Variants in ABTB3 observed in about 807,000 individuals in gnomAD.
ABTB3 encodes the protein ankyrin repeat and BTB domain containing 3.
chr12:107,610,320 C>T, the ABTB3 span: 1 of 1,613,974 alleles, frequency 6.2e-7, no homozygotes, highest in African/African-American at 1.3e-5. Context: ...AGTGTCTCTG[C>T]TGGGGCCCGA....
chr12:107,422,073 G>A, the ABTB3 span, among the ~76,000 whole-genome samples: 2 of 152,170 alleles, frequency 1.3e-5, no homozygotes, highest in African/African-American at 4.8e-5. Context: ...AAGGCTGGGA[G>A]GTAGATAGGT....
the ABTB3 span, among the ~76,000 whole-genome samples, chr12:107,647,247 T>A: frequency 1.3e-5 from 2 of 152,166 alleles, no homozygotes; most frequent in Admixed American, 1.3e-4. Flanking sequence ...GAAGGATTGC[T>A]TGAGCCTGGG....
the ABTB3 span, among the ~76,000 whole-genome samples, chr12:107,419,357 T>A: frequency 1.3e-5 from 2 of 152,240 alleles, no homozygotes; most frequent in African/African-American, 2.4e-5. Flanking sequence ...CTCCTTTTCA[T>A]GGCCTGAGAA....
chr12:107,566,649 A>ACACG, the ABTB3 span, among the ~76,000 whole-genome samples: 7 of 44,376 alleles, frequency 1.6e-4, no homozygotes, highest in Non-Finnish European at 2.6e-4. Context: ...TAATTTAAAT[A>ACACG]CACACACACA....
chr12:107,599,980 T>C, the ABTB3 span, among the ~76,000 whole-genome samples: 1 of 152,168 alleles, frequency 6.6e-6, no homozygotes, highest in Admixed American at 6.5e-5. Flanking sequence ...GGATGGAGTA[T>C]GGGCATTCAC....
At chr12:107,580,882 T>G in the ABTB3 span, 3 of 1,550,746 alleles carry the variant, frequency 1.9e-6, no homozygotes, top group South Asian at 3.6e-5. Context: ...TAGCCTTTCC[T>G]AGTCACATTA....
At chr12:107,504,920 A>G in the ABTB3 span, among the ~76,000 whole-genome samples, 4 of 152,170 alleles carry the variant, frequency 2.6e-5, no homozygotes, top group Admixed American at 6.5e-5. Context: ...CTCACTTGCT[A>G]TTAACACCTT....
chr12:107,571,720 A>G, the ABTB3 span, among the ~76,000 whole-genome samples: 3 of 152,152 alleles, frequency 2.0e-5, no homozygotes, highest in Non-Finnish European at 2.9e-5. Context: ...GGGCCCCATC[A>G]TCATCCAACC....
chr12:107,343,180 G>A, the ABTB3 span, among the ~76,000 whole-genome samples: 3 of 151,768 alleles, frequency 2.0e-5, no homozygotes, highest in East Asian at 1.9e-4. Flanking sequence ...ACACCTGGCT[G>A]TTTTTTTGGT....
the ABTB3 span, among the ~76,000 whole-genome samples, chr12:107,631,327 A>G: frequency 6.6e-6 from 1 of 152,188 alleles, no homozygotes; most frequent in East Asian, 1.9e-4. Context: ...TATATTTACC[A>G]TGTTTTCTTT....
At chr12:107,616,587 AG>A in the ABTB3 span, among the ~76,000 whole-genome samples, 1 of 152,206 alleles carries the variant, frequency 6.6e-6, no homozygotes, top group Non-Finnish European at 1.5e-5. Context: ...AACTGTCCTC[AG>A]GGCCATCCAG....
chr12:107,348,799 C>T, the ABTB3 span, among the ~76,000 whole-genome samples: 25 of 152,160 alleles, frequency 1.6e-4, no homozygotes, highest in African/African-American at 4.3e-4. Flanking sequence ...ATATGGAAGG[C>T]GATTTCAGGT....
At chr12:107,475,041 G>GT in the ABTB3 span, among the ~76,000 whole-genome samples, 1 of 152,144 alleles carries the variant, frequency 6.6e-6, no homozygotes, top group Non-Finnish European at 1.5e-5. Context: ...TGAGTCTGCC[G>GT]TTCACTCTCA....
chr12:107,640,878 CCTTT>C, the ABTB3 span, among the ~76,000 whole-genome samples: 1 of 152,210 alleles, frequency 6.6e-6, no homozygotes, highest in Non-Finnish European at 1.5e-5. Flanking sequence ...CTGCAACTGC[CCTTT>C]CTTCTCATTT....
At chr12:107,433,229 G>T in the ABTB3 span, among the ~76,000 whole-genome samples, 11 of 144,718 alleles carry the variant, frequency 7.6e-5, no homozygotes, top group Non-Finnish European at 1.5e-4. Context: ...AGCGGAGCTT[G>T]CAGTGAGCCG....
the ABTB3 span, chr12:107,635,465 G>T: frequency 2.1e-6 from 3 of 1,419,956 alleles, no homozygotes; most frequent in Non-Finnish European, 2.9e-6. Context: ...ATGCCATAAG[G>T]AATGCCAGGA....
chr12:107,470,002 TTCTTTCTTTC>T, the ABTB3 span, among the ~76,000 whole-genome samples: 155 of 56,786 alleles, frequency 2.7e-3, 18 homozygotes, highest in Middle Eastern at 9.4e-3. Context: ...CTTTCTTTCT[TTCTTTCTTTC>T]TCTCTCTCTC....
chr12:107,341,739 C>A, the ABTB3 span, among the ~76,000 whole-genome samples: 9 of 152,268 alleles, frequency 5.9e-5, no homozygotes, highest in African/African-American at 1.7e-4. Context: ...GAAATGTAAT[C>A]CCCAGTGTTG....
chr12:107,371,195 C>A, the ABTB3 span, among the ~76,000 whole-genome samples: 2 of 152,148 alleles, frequency 1.3e-5, no homozygotes, highest in Non-Finnish European at 1.5e-5. Flanking sequence ...GGAGATCATT[C>A]TGGAACTGTG....
Sources: allele counts gnomAD v4.1 joint callset (sites outside exome capture counted in the v4.1 genomes callset), GRCh38; gene constraint gnomAD v4.1.1; transcripts MANE v1.5; gene names NCBI Gene and HGNC (gene_info 2026-07-23, HGNC 2026-07-21).